Variants in SMG6 observed in about 807,000 individuals in gnomAD.
SMG6 encodes the protein SMG6 nonsense mediated mRNA decay factor.
Under a neutral mutation model 142.2 loss-of-function variants are expected in SMG6, and 66 were observed. The observed-to-expected ratio is 0.46, with a 90% CI of 0.38 to 0.57. The LOEUF is 0.57. Ranked by LOEUF, SMG6 falls within the 20% of genes least tolerant of loss-of-function variation. The pLI is 0.00. For synonymous variants in SMG6, 779 were observed against 702.4 expected (o/e 1.11, Z -1.72); for missense variants, 1,793 against 1,832.0 (o/e 0.98, Z 0.39).
intron 14 of SMG6, among the ~76,000 whole-genome samples, chr17:2,083,454 A>AGTGATT (rs1378002737): frequency 6.6e-6 from 1 of 152,220 alleles, no homozygotes; most frequent in Non-Finnish European, 1.5e-5. Flanking sequence ...AATCTGCTGA[A>AGTGATT]GTGATTCAGT....
rs1168046598 is a variant in SMG6 at position 2,186,816 on chromosome 17, G to A, written c.3002C>T (p.Pro1001Leu). The A allele has an allele frequency of 6.2e-7, 1 of 1,614,032 alleles. No individual in the cohort carries two copies. Among genetic ancestry groups the A allele is most frequent in the African/African-American group, 1.3e-5 (1 of 74,934 alleles). Residue 1001 changes from proline to leucine, a missense_variant, in exon 12 of 19, where the codon CCT (proline) becomes CTT (leucine). Around this residue, in one of 3 missense-constraint regions of SMG6, gnomAD observed 1,597 missense variants for 1,584.6 expected, o/e 1.01. Coordinates refer to ENST00000263073, the MANE Select transcript of SMG6 (RefSeq NM_017575.5). ...GTCGTCTTGGTCATCCTGGTCCTCAGGAGAGGACAGCTGAGCTGCAGAGGC... is the reference window on the plus strand; with the variant it reads ...GTCGTCTTGGTCATCCTGGTCCTCAAGAGAGGACAGCTGAGCTGCAGAGGC... ...KESAKAQLSS[P>L]EDQDDQDDIK...
intron 13 of SMG6, among the ~76,000 whole-genome samples, chr17:2,154,744 CTAAT>C (rs1012029695): frequency 1.3e-5 from 2 of 152,138 alleles, no homozygotes; most frequent in African/African-American, 2.4e-5. Context: ...CTGCTAACCT[CTAAT>C]TAAAAAGTAT....
intron 8 of SMG6, among the ~76,000 whole-genome samples, chr17:2,254,893 C>A (rs910322065): frequency 6.6e-6 from 1 of 152,156 alleles, no homozygotes; most frequent in Admixed American, 6.5e-5. Flanking sequence ...GAGATATCCT[C>A]TCAGAGGAAA....
At chr17:2,086,201 C>T (rs1221978219) in intron 13 of SMG6, among the ~76,000 whole-genome samples, 1 of 152,112 alleles carries the variant, frequency 6.6e-6, no homozygotes. Flanking sequence ...GGTCCTGATA[C>T]AAAACAGAAT....
At chr17:2,242,378 A>AAAAGAATAAG (rs2073825916) in intron 9 of SMG6, among the ~76,000 whole-genome samples, 1 of 145,752 alleles carries the variant, frequency 6.9e-6, no homozygotes, top group African/African-American at 2.6e-5. Flanking sequence ...AAAAAAAAAA[A>AAAAGAATAAG]AATTAGTCGG....
Position 2,300,681 on chromosome 17 carries a change from A to G in SMG6, c.89-17T>C, listed in dbSNP as rs747621985. The stretch of plus-strand genomic sequence containing the variant: ...TCATGTTTTCTGTTATGTCGGGGAA[A>G]GAGTTTGGGAGGGAAAGGTAGAAGA... On this transcript the variant is annotated splice_polypyrimidine_tract_variant and intron_variant, in intron 1 of 18. Transcript: ENST00000263073. 4 of 1,546,976 alleles carry G rather than the reference A, an allele frequency of 2.6e-6. No homozygotes were observed. The South Asian group carries it at 5.0e-5, about 19-fold the overall frequency.
At chr17:2,165,820 G>A (rs992475216) in intron 13 of SMG6, among the ~76,000 whole-genome samples, 6 of 152,080 alleles carry the variant, frequency 3.9e-5, no homozygotes, top group Admixed American at 2.0e-4. Flanking sequence ...GGGGAGGATC[G>A]CTTTAACCCA....
chr17:2,211,101 T>C (rs1194177319), intron 10 of SMG6, among the ~76,000 whole-genome samples: 1 of 141,160 alleles, frequency 7.1e-6, no homozygotes, highest in East Asian at 2.1e-4. Context: ...TGGATTTTAT[T>C]AAAAAAAAAA....
intron 13 of SMG6, among the ~76,000 whole-genome samples, chr17:2,172,144 A>C (rs2071522560): frequency 6.6e-6 from 1 of 152,214 alleles, no homozygotes; most frequent in African/African-American, 2.4e-5. Context: ...CAGAGGAAGG[A>C]AAATAGAAAC....
intron 15 of SMG6, among the ~76,000 whole-genome samples, chr17:2,080,072 CTCAAAACAAAACAAA>C (rs1204061029): frequency 6.8e-5 from 9 of 132,762 alleles, no homozygotes; most frequent in Non-Finnish European, 1.1e-4. Context: ...AAGACTCCAT[CTCAAAACAAAACAAA>C]ACAAAACAAA....
chr17:2,112,426 T>G (rs907698139), intron 13 of SMG6, among the ~76,000 whole-genome samples: 21 of 151,368 alleles, frequency 1.4e-4, no homozygotes, highest in Non-Finnish European at 2.9e-4. Flanking sequence ...GAGAATGGCA[T>G]GAACCCGGGA....
chr17:2,065,082 C>T lies in SMG6; in HGVS notation c.4120G>A (p.Ala1374Thr), dbSNP rs140993966. Residue 1374 changes from alanine (A) to threonine (T), a missense_variant, in exon 18 of 19, where the codon GCC becomes ACC. By Grantham distance (58) the Ala-to-Thr change is moderately conservative (BLOSUM62 0). Coordinates refer to ENST00000263073, the MANE Select transcript of SMG6 (RefSeq NM_017575.5). ...GGAGGCAAAGCTGTACCTTTGCTGG[C>T]GGGCATGAAGTCCTTAGCCTTGTCT... The part of the protein sequence containing the change: ...CKDKAKDFMP[A>T]SKEEPIRLLR... 93 of 1,613,196 alleles carry T rather than the reference C, an allele frequency of 5.8e-5. No homozygotes were observed. The highest frequency in any genetic ancestry group is 1.6e-4 in the Middle Eastern group (1 of 6,066).
At chr17:2,257,047 C>G (rs920568194) in intron 8 of SMG6, among the ~76,000 whole-genome samples, 3 of 150,888 alleles carry the variant, frequency 2.0e-5, no homozygotes, top group African/African-American at 7.3e-5. Context: ...GCCATCTTGG[C>G]TCACTGCAAC....
intron 6 of SMG6, among the ~76,000 whole-genome samples, chr17:2,288,822 G>A (rs577361529): frequency 1.4e-3 from 213 of 151,848 alleles, no homozygotes; most frequent in African/African-American, 4.9e-3. Context: ...GCTCACGCCT[G>A]TAATCCCAGC....
intron 13 of SMG6, chr17:2,087,811 C>T (rs1567587283): frequency 1.0e-6 from 1 of 985,870 alleles, no homozygotes; most frequent in South Asian, 4.7e-5. Flanking sequence ...TCCAGCCTCT[C>T]ACTTGCATAG....
At chr17:2,184,589 T>G (rs2071912389) in intron 12 of SMG6, among the ~76,000 whole-genome samples, 1 of 124,414 alleles carries the variant, frequency 8.0e-6, no homozygotes, top group Admixed American at 9.4e-5. Context: ...CATGGGAGGC[T>G]GAGGATGCAG....
chr17:2,158,563 T>A (rs530221633), intron 13 of SMG6, among the ~76,000 whole-genome samples: 1 of 152,286 alleles, frequency 6.6e-6, no homozygotes, highest in African/African-American at 2.4e-5. Flanking sequence ...TTGTCCTAAA[T>A]GATGGCAATT....
At chr17:2,170,833 T>C (rs1344774035) in intron 13 of SMG6, among the ~76,000 whole-genome samples, 1 of 152,196 alleles carries the variant, frequency 6.6e-6, no homozygotes, top group African/African-American at 2.4e-5. Context: ...ACACTATTCA[T>C]AACTGTAAAA....
intron 8 of SMG6, chr17:2,265,837 A>G (rs1331461450): frequency 6.7e-5 from 18 of 270,312 alleles, no homozygotes; most frequent in Non-Finnish European, 9.6e-5. Flanking sequence ...ATGCTGGTTA[A>G]AATAAAGTGT....
Sources: gnomAD v4.1 joint callset for allele counts (sites outside exome capture counted in the v4.1 genomes callset) on GRCh38, gnomAD v4.1.1 for gene constraint, gnomAD v4.1.1 regional missense constraint, MANE v1.5 for transcripts, NCBI Gene and HGNC (gene_info 2026-07-23, HGNC 2026-07-21) for gene names.